ABLIM2: variants seen among roughly 807,000 people sequenced by gnomAD.
ABLIM2 encodes the protein actin binding LIM protein family member 2.
A neutral mutation model predicts 97.7 loss-of-function variants in ABLIM2; 53 were observed. The ratio of observed to expected loss-of-function variants is 0.54; its 90% CI spans 0.44 to 0.68. The LOEUF (loss-of-function observed/expected upper bound fraction) is 0.68, where lower values mean the gene tolerates loss of function less well. ABLIM2 is among the 30% of genes least tolerant of loss of function. ABLIM2 has a pLI of 0.00. For missense variants in ABLIM2, 835 were observed against 867.2 expected, an observed-to-expected ratio of 0.96 and a Z score of 0.47; for synonymous variants, 361 against 345.8, an observed-to-expected ratio of 1.04 and a Z score of -0.49.
At chr4:8,017,852 G>T (rs1770579490) in intron 14 of ABLIM2, among the ~76,000 whole-genome samples, 1 of 152,144 alleles carries the variant, frequency 6.6e-6, no homozygotes, top group Non-Finnish European at 1.5e-5. Flanking sequence ...AAATTAGCTG[G>T]CACGATGGTT....
chr4:8,079,036 C>T (rs377430370), intron 5 of ABLIM2, among the ~76,000 whole-genome samples: 14 of 152,256 alleles, frequency 9.2e-5, no homozygotes, highest in African/African-American at 3.1e-4. Flanking sequence ...CTCCAAGCTC[C>T]GGGCTGTTGC....
At chr4:8,042,309 C>T (rs190723606) in intron 9 of ABLIM2, among the ~76,000 whole-genome samples, 1 of 152,200 alleles carries the variant, frequency 6.6e-6, no homozygotes, top group African/African-American at 2.4e-5. Flanking sequence ...ATGAGTCTAA[C>T]CTTTCCCTCA....
chr4:8,079,205 T>A (rs1818184014), intron 5 of ABLIM2, among the ~76,000 whole-genome samples: 1 of 152,182 alleles, frequency 6.6e-6, no homozygotes, highest in African/African-American at 2.4e-5. Context: ...CAGGCTTACT[T>A]CCAAATGCCG....
intron 16 of ABLIM2, chr4:8,007,786 G>C (rs1762380152): frequency 2.4e-6 from 3 of 1,248,534 alleles, no homozygotes; most frequent in African/African-American, 1.5e-5. Flanking sequence ...AGCAGGTCTG[G>C]GTTTCTGCAT....
chr4:7,969,799 C>A (rs934910099), intron 20 of ABLIM2, among the ~76,000 whole-genome samples: 1 of 149,198 alleles, frequency 6.7e-6, no homozygotes, highest in African/African-American at 2.5e-5. Context: ...CAGGAAGAGG[C>A]CCTCAGCCGC....
chr4:8,096,291 G>T (rs147675327), intron 3 of ABLIM2, among the ~76,000 whole-genome samples: 70 of 152,296 alleles, frequency 4.6e-4, no homozygotes, highest in East Asian at 3.7e-3. Flanking sequence ...ACTCCAATGC[G>T]ACCAGGGCTG....
intron 18 of ABLIM2, among the ~76,000 whole-genome samples, chr4:7,984,541 C>G (rs1311037402): frequency 2.6e-5 from 4 of 152,272 alleles, no homozygotes; most frequent in Non-Finnish European, 5.9e-5. Context: ...ACCCTGGAAG[C>G]CTTGTGCCTG....
intron 12 of ABLIM2, 131 bp from the exon 13 acceptor site, chr4:8,020,434 G>T (rs182529214): frequency 3.6e-6 from 3 of 827,684 alleles, no homozygotes; most frequent in East Asian, 5.3e-5. Context: ...CAGATCCCCT[G>T]CCCAGGGGAA....
At chr4:8,037,311 T>C (rs900249868) in intron 9 of ABLIM2, among the ~76,000 whole-genome samples, 1 of 149,720 alleles carries the variant, frequency 6.7e-6, no homozygotes, top group Non-Finnish European at 1.5e-5. Flanking sequence ...CACACGCACA[T>C]GCATGCGCAC....
chr4:8,041,719 G>T (rs948477719), intron 9 of ABLIM2, among the ~76,000 whole-genome samples: 9 of 152,012 alleles, frequency 5.9e-5, no homozygotes, highest in Non-Finnish European at 1.2e-4. Flanking sequence ...TGGCTAACAC[G>T]GTGAAACCCC....
intron 14 of ABLIM2, among the ~76,000 whole-genome samples, chr4:8,016,440 T>C (rs2150739509): frequency 6.6e-6 from 1 of 152,182 alleles, no homozygotes; most frequent in East Asian, 1.9e-4. Flanking sequence ...GTGTGTCATC[T>C]CCCTGAAACA....
intron 12 of ABLIM2, among the ~76,000 whole-genome samples, chr4:8,025,853 A>G (rs1776977914): frequency 6.6e-6 from 1 of 152,176 alleles, no homozygotes; most frequent in South Asian, 2.1e-4. Context: ...GAGAAGCGGC[A>G]TCTCCTTGGG....
intron 1 of ABLIM2, among the ~76,000 whole-genome samples, chr4:8,138,250 A>G (rs1382258313): frequency 2.0e-5 from 3 of 152,236 alleles, no homozygotes; most frequent in African/African-American, 7.2e-5. Context: ...TGATGGCTAC[A>G]TCATCATTCA....
At chr4:8,144,677 G>A (rs1851512817) in intron 1 of ABLIM2, among the ~76,000 whole-genome samples, 1 of 152,202 alleles carries the variant, frequency 6.6e-6, no homozygotes, top group Admixed American at 6.5e-5. Flanking sequence ...GTCCCCGCCT[G>A]TAAAATGGGG....
At chr4:8,131,236 G>A (rs1351543448) in intron 1 of ABLIM2, among the ~76,000 whole-genome samples, 1 of 152,208 alleles carries the variant, frequency 6.6e-6, no homozygotes, top group African/African-American at 2.4e-5. Context: ...CCAACCACAT[G>A]CAGCAGCAGC....
At chr4:8,079,472 G>A (rs886985273) in intron 5 of ABLIM2, among the ~76,000 whole-genome samples, 1 of 152,178 alleles carries the variant, frequency 6.6e-6, no homozygotes, top group South Asian at 2.1e-4. Context: ...CTGGATGACC[G>A]TGACACAGGC....
chr4:8,091,316 TA>T (rs1284268668), intron 3 of ABLIM2, among the ~76,000 whole-genome samples: 4 of 27,326 alleles, frequency 1.5e-4, no homozygotes, highest in Admixed American at 6.7e-4. Flanking sequence ...TATATATATA[TA>T]ATTATATATA....
chr4:7,979,511 T>C (rs870714), intron 20 of ABLIM2, among the ~76,000 whole-genome samples: 97,299 of 152,232 alleles, frequency 0.64, 31,261 homozygotes, highest in Non-Finnish European at 0.64. Flanking sequence ...AATATGATTA[T>C]AGGACCTGAG....
chr4:8,113,680 G>A lies in ABLIM2; in HGVS notation c.11-7043C>T, dbSNP rs1841419672. Among the ~76,000 whole-genome samples the A allele has an allele frequency of 6.6e-6, 1 of 152,250 alleles. No homozygotes were observed. Among genetic ancestry groups the A allele is most frequent in the Non-Finnish European group, 1.5e-5 (1 of 68,040 alleles). ...GGAGGCCCGCTCCATCCGCCAAGAT[G>A]ATTTCAGAAAGCTCCCCGTCTGCTG... On this transcript the variant is annotated intron_variant, in intron 1 of 20. Transcript: ENST00000447017. The surrounding 1 kb of genome is among the most constrained non-coding windows in gnomAD (Gnocchi z 4.5).
Sources: gnomAD v4.1 joint callset for allele counts (sites outside exome capture counted in the v4.1 genomes callset) on GRCh38, gnomAD v4.1.1 for gene constraint, Gnocchi (gnomAD v3.1) non-coding constraint, MANE v1.5 for transcripts, NCBI Gene and HGNC (gene_info 2026-07-23, HGNC 2026-07-21) for gene names.